MPPED2: variants seen among roughly 807,000 people sequenced by gnomAD.
MPPED2 encodes the protein metallophosphoesterase MPPED2.
Under a neutral mutation model 33.0 loss-of-function variants are expected in MPPED2, and 5 were observed. The observed-to-expected ratio is 0.15, with a 90% confidence interval of 0.08 to 0.32. The LOEUF is 0.32. Among genes scored for constraint, MPPED2 ranks in the 10% least tolerant of loss-of-function variants. The pLI is 1.00. For synonymous variants in MPPED2, 136 were observed against 141.9 expected (o/e 0.96, Z 0.29); for missense variants, 275 against 372.1 (o/e 0.74, Z 2.15).
At chr11:30,447,514 C>T (rs1432870399) in intron 4 of MPPED2, among the ~76,000 whole-genome samples, 1 of 152,014 alleles carries the variant, frequency 6.6e-6, no homozygotes, top group African/African-American at 2.4e-5. Flanking sequence ...AATGCTGAGA[C>T]CAGTTGTAAT....
intron 2 of MPPED2, among the ~76,000 whole-genome samples, chr11:30,579,470 GC>G (rs1957071860): frequency 6.6e-6 from 1 of 152,168 alleles, no homozygotes; most frequent in Non-Finnish European, 1.5e-5. Context: ...GTGACCTTTT[GC>G]TCCCTTCTTC....
intron 2 of MPPED2, among the ~76,000 whole-genome samples, chr11:30,567,690 G>C (rs890216118): frequency 1.3e-5 from 2 of 152,192 alleles, no homozygotes; most frequent in African/African-American, 2.4e-5. Context: ...CAAGGATAGT[G>C]AAAGTGGAAT....
Position 30,410,586 on chromosome 11 carries a change from G to T in MPPED2, c.*882C>A, listed in dbSNP as rs1417332072. ...TTTAACTCAAGCTCTTTAAGACCTT[G>T]AGCTCTGAGAGAATGTGTCAGTTCC... On this transcript the variant is annotated 3_prime_UTR_variant, in exon 7 of 7. Coordinates refer to ENST00000358117, the MANE Select transcript of MPPED2 (RefSeq NM_001584.3). 1.0e-6 allele frequency: 1 copy of T among 985,636 alleles called. No homozygotes were observed. The highest frequency in any genetic ancestry group is 1.7e-5 in the African/African-American group (1 of 57,216). 61.1% of individuals were successfully genotyped at this position (985,636 alleles called of 1,614,324 possible).
At chr11:30,436,206 T>C (rs951667187) in intron 4 of MPPED2, among the ~76,000 whole-genome samples, 4 of 152,164 alleles carry the variant, frequency 2.6e-5, no homozygotes, top group African/African-American at 9.7e-5. Context: ...ATTTTTGCTT[T>C]TGCTGTATCT....
At chr11:30,524,789 G>A (rs1954077346) in intron 3 of MPPED2, among the ~76,000 whole-genome samples, 1 of 152,010 alleles carries the variant, frequency 6.6e-6, no homozygotes, top group African/African-American at 2.4e-5. Context: ...AGTCAAAAGG[G>A]GAATTTAAAA....
Position 30,411,086 on chromosome 11 carries a change from G to A in MPPED2, c.*382C>T. 1 of 988,716 alleles carries A rather than the reference G, an allele frequency of 1.0e-6. No individual in the cohort carries two copies. The highest frequency in any genetic ancestry group is 1.2e-6 in the Non-Finnish European group (1 of 831,828). The allele number at this position is 988,716 out of a possible 1,614,324, so 61.2% of individuals were successfully genotyped here. On this transcript the variant is annotated 3_prime_UTR_variant, in exon 7 of 7. Transcript: ENST00000358117. ...TTTCAAACAATACTCTTAAACAGTT[G>A]TGCAAATCTGTGTTGGTTTTTAAAA...
intron 3 of MPPED2, among the ~76,000 whole-genome samples, chr11:30,526,028 T>A (rs1330989786): frequency 2.6e-5 from 4 of 152,216 alleles, no homozygotes; most frequent in Non-Finnish European, 5.9e-5. Flanking sequence ...CTTTACTTAA[T>A]TCTGTTATCA....
At chr11:30,514,879 C>A (rs1318608834) in intron 3 of MPPED2, among the ~76,000 whole-genome samples, 1 of 152,196 alleles carries the variant, frequency 6.6e-6, no homozygotes, top group Non-Finnish European at 1.5e-5. Context: ...GTGGGCAGAT[C>A]ACTGGAGGTT....
At chr11:30,486,843 T>C (rs1485110499) in intron 4 of MPPED2, among the ~76,000 whole-genome samples, 2 of 152,212 alleles carry the variant, frequency 1.3e-5, no homozygotes, top group Middle Eastern at 3.2e-3. Flanking sequence ...CTTGGTTCCA[T>C]TTTGCTCTAT....
intron 3 of MPPED2, among the ~76,000 whole-genome samples, chr11:30,522,214 T>C (rs764458018): frequency 6.6e-6 from 1 of 152,078 alleles, no homozygotes; most frequent in Non-Finnish European, 1.5e-5. Context: ...TGGAAAAATA[T>C]GAAAAAGGTC....
At chr11:30,438,556 T>A (rs556622) in intron 4 of MPPED2, among the ~76,000 whole-genome samples, 2 of 152,184 alleles carry the variant, frequency 1.3e-5, no homozygotes, top group African/African-American at 4.8e-5. Flanking sequence ...TGATGCATCA[T>A]GGTAAAAAAT....
chr11:30,484,896 A>G (rs1216004627), intron 4 of MPPED2, among the ~76,000 whole-genome samples: 1 of 152,154 alleles, frequency 6.6e-6, no homozygotes, highest in Non-Finnish European at 1.5e-5. Flanking sequence ...GCATTTTCCT[A>G]GACTAAGTTT....
At chr11:30,515,806 G>A (rs564277932) in intron 3 of MPPED2, among the ~76,000 whole-genome samples, 39 of 152,238 alleles carry the variant, frequency 2.6e-4, no homozygotes, top group African/African-American at 9.4e-4. Flanking sequence ...AACAGACATA[G>A]AATAGCCTTT....
rs185345640 is a variant in MPPED2, at chr11:30,436,111, A to G, written c.537-18478T>C. On this transcript the variant is annotated intron_variant, in intron 4 of 6. Transcript: ENST00000358117. Reference sequence around the variant, plus strand: ...ATGTAATCTGCCAACCTGAGATAAGAGAGCTTAGTATTTTAGTATTTGAAT... The same window carrying G: ...ATGTAATCTGCCAACCTGAGATAAGGGAGCTTAGTATTTTAGTATTTGAAT... 2.1e-5 allele frequency among the ~76,000 whole-genome samples: 3 copies of G among 145,010 alleles called. No homozygotes were observed. In the East Asian group the frequency reaches 6.1e-4, roughly 29 times the overall value.
At chr11:30,519,640 T>C (rs1299170411) in intron 3 of MPPED2, among the ~76,000 whole-genome samples, 5 of 152,136 alleles carry the variant, frequency 3.3e-5, no homozygotes, top group South Asian at 4.1e-4. Context: ...AGGATTTCTA[T>C]GAATAATGGA....
chr11:30,490,380 G>A (rs1951923762), intron 4 of MPPED2, among the ~76,000 whole-genome samples: 1 of 152,166 alleles, frequency 6.6e-6, no homozygotes, highest in South Asian at 2.1e-4. Context: ...ATCTGTGGCT[G>A]AACTGTTAAA....
chr11:30,546,751 A>G (rs1295633306), intron 2 of MPPED2, among the ~76,000 whole-genome samples: 5 of 152,200 alleles, frequency 3.3e-5, no homozygotes. Flanking sequence ...CATAGGGGAC[A>G]TCATTTATGT....
rs566759905 is a variant in MPPED2, at chr11:30,384,503, T to C, written c.*4386A>G. The C allele has an allele frequency of 2.7e-5, 4 of 149,560 alleles. No individual in the cohort carries two copies. In the South Asian group the frequency reaches 8.6e-4, roughly 32 times the overall value. The allele number at this position is 149,560 out of a possible 1,614,324, so 9.3% of individuals were successfully genotyped here. On this transcript the variant is annotated 3_prime_UTR_variant, in exon 7 of 7. Coordinates refer to the MPPED2 transcript ENST00000448418. ...TTTTTTTTTTTTTTTAGACAGAGTC[T>C]CGCTCTGTTGCCAGGCTGGAGTTCA...
rs923572808 is a variant in MPPED2, at chr11:30,479,423, T to A, written c.536+15873A>T. Among the ~76,000 whole-genome samples the A allele has an allele frequency of 5.9e-5, 9 of 152,058 alleles. 1 individual carries two copies. The highest frequency in any genetic ancestry group is 5.9e-4 in the Admixed American group (9 of 15,270). On this transcript the variant is annotated intron_variant, in intron 4 of 6. Transcript: ENST00000358117. Reference sequence around the variant, plus strand: ...AAAATTTTAAACTAAAGCAGAATAATCTCTAGCAATTGAGAAGAGTAGGGG... The same window carrying A: ...AAAATTTTAAACTAAAGCAGAATAAACTCTAGCAATTGAGAAGAGTAGGGG...
Sources: gnomAD v4.1 joint callset for allele counts (sites outside exome capture counted in the v4.1 genomes callset) on GRCh38, gnomAD v4.1.1 for gene constraint, MANE v1.5 for transcripts, NCBI Gene and HGNC (gene_info 2026-07-23, HGNC 2026-07-21) for gene names.